The following PTPRD variants were observed in gnomAD, a reference collection of about 807,000 sequenced individuals.
PTPRD encodes the protein protein tyrosine phosphatase receptor type D.
PTPRD carries 34 observed loss-of-function variants against 214.5 expected under a neutral mutation model. That is an observed-to-expected ratio of 0.16 (90% CI 0.12 to 0.21). The LOEUF is 0.21. PTPRD is among the 10% of genes least tolerant of loss of function. The pLI, the probability that PTPRD is intolerant of heterozygous loss-of-function variation, is 1.00. For missense variants in PTPRD, 2,545 were observed against 2,398.7 expected (o/e 1.06, Z -1.27); for synonymous variants, 1,128 against 845.7 (o/e 1.33, Z -5.79).
At chr9:9,288,398 A>G (rs999612444) in intron 9 of PTPRD, among the ~76,000 whole-genome samples, 2 of 151,912 alleles carry the variant, frequency 1.3e-5, no homozygotes, top group Admixed American at 6.6e-5. Context: ...ACATTTTAAT[A>G]TAGACTTATC....
chr9:10,445,128 C>G (rs1566079036), intron 2 of PTPRD, among the ~76,000 whole-genome samples: 1 of 151,808 alleles, frequency 6.6e-6, no homozygotes, highest in Admixed American at 6.6e-5. Flanking sequence ...CAAAAAGAAA[C>G]AAAAGGAAAA....
Position 9,564,884 on chromosome 9 carries a change from GTTTTTTTTTTT to G in PTPRD, c.-237+9837_-237+9847del, listed in dbSNP as rs1191664969. 3.0e-3 allele frequency among the ~76,000 whole-genome samples: 148 copies of G among 48,860 alleles called. 1 individual carries two copies. The highest frequency in any genetic ancestry group is 4.8e-3 in the Non-Finnish European group (128 of 26,466). The allele number at this position is 48,860 out of a possible 152,430, so 32.1% of individuals were successfully genotyped here. On this transcript the variant is annotated intron_variant, in intron 8 of 45. Coordinates refer to ENST00000381196, the MANE Select transcript of PTPRD (RefSeq NM_002839.4). ...AACAAAAGAGAGACTTGAATCTTCT[GTTTTTTTTTTT>G]TTTTTTTTTTTTTTTTTTGCAGTGC...
At chr9:9,839,042 G>C (rs889311911) in intron 5 of PTPRD, among the ~76,000 whole-genome samples, 10 of 152,086 alleles carry the variant, frequency 6.6e-5, no homozygotes, top group African/African-American at 2.2e-4. Context: ...CCCATTGCTT[G>C]TTTTTGTCAG....
At chr9:8,551,074 A>G (rs1410650906) in intron 14 of PTPRD, among the ~76,000 whole-genome samples, 1 of 152,202 alleles carries the variant, frequency 6.6e-6, no homozygotes, top group Non-Finnish European at 1.5e-5. Flanking sequence ...TGATAAGACT[A>G]TCACTTGGGG....
intron 12 of PTPRD, among the ~76,000 whole-genome samples, chr9:8,723,349 C>G (rs2098522670): frequency 6.6e-6 from 1 of 152,168 alleles, no homozygotes; most frequent in South Asian, 2.1e-4. Context: ...GACCTATCCT[C>G]TCCCTTCATA....
chr9:10,118,837 A>G (rs13290926), intron 3 of PTPRD, among the ~76,000 whole-genome samples: 5,793 of 149,478 alleles, frequency 0.039, 129 homozygotes, highest in East Asian at 0.066. Flanking sequence ...TAGGACAACT[A>G]GAAAGGTAAA....
At chr9:9,587,067 A>G (rs745770832) in intron 7 of PTPRD, among the ~76,000 whole-genome samples, 1 of 151,998 alleles carries the variant, frequency 6.6e-6, no homozygotes, top group Non-Finnish European at 1.5e-5. Context: ...GTATATAGGT[A>G]ACAAAATGTG....
intron 3 of PTPRD, among the ~76,000 whole-genome samples, chr9:10,205,490 C>T (rs899179548): frequency 3.3e-5 from 5 of 151,902 alleles, no homozygotes; most frequent in African/African-American, 1.2e-4. Context: ...ACTGCAACCT[C>T]CACCTCCCAG....
chr9:9,298,512 C>T (rs1954001888), intron 9 of PTPRD, among the ~76,000 whole-genome samples: 1 of 151,642 alleles, frequency 6.6e-6, no homozygotes, highest in Non-Finnish European at 1.5e-5. Context: ...GTTAAAAGAA[C>T]ATTTAATTAT....
chr9:9,250,827 T>G (rs1336311481), intron 9 of PTPRD, among the ~76,000 whole-genome samples: 1 of 152,084 alleles, frequency 6.6e-6, no homozygotes, highest in East Asian at 1.9e-4. Context: ...CAAATTTGTT[T>G]TCCTGTGCAT....
At chr9:8,643,897 GGTGAGGTCCCACCTTCAGGCCA>G (rs2096630984) in intron 12 of PTPRD, among the ~76,000 whole-genome samples, 1 of 152,154 alleles carries the variant, frequency 6.6e-6, no homozygotes, top group Admixed American at 6.5e-5. Context: ...GGATGGATCC[GGTGAGGTCCCACCTTCAGGCCA>G]GGGAGGGCCT....
intron 12 of PTPRD, among the ~76,000 whole-genome samples, chr9:8,645,655 A>G (rs1459874310): frequency 6.6e-6 from 1 of 152,160 alleles, no homozygotes; most frequent in Non-Finnish European, 1.5e-5. Context: ...GAGAGAGAAG[A>G]AGAAAGGGAA....
At chr9:9,617,063 A>T (rs1433172045) in intron 7 of PTPRD, among the ~76,000 whole-genome samples, 1 of 152,220 alleles carries the variant, frequency 6.6e-6, no homozygotes, top group Non-Finnish European at 1.5e-5. Flanking sequence ...TCACCCTGTG[A>T]AAAGAGCCAC....
At chr9:9,284,330 C>T (rs1948698802) in intron 9 of PTPRD, among the ~76,000 whole-genome samples, 1 of 151,574 alleles carries the variant, frequency 6.6e-6, no homozygotes, top group African/African-American at 2.4e-5. Context: ...AACTTTAAAA[C>T]CTTTTGATCC....
intron 9 of PTPRD, among the ~76,000 whole-genome samples, chr9:9,275,941 C>A (rs756685633): frequency 6.6e-6 from 1 of 151,058 alleles, no homozygotes; most frequent in East Asian, 2.0e-4. Context: ...ACCAACCGTG[C>A]CTTATGCTCT....
At chr9:8,778,205 G>A (rs1239513995) in intron 11 of PTPRD, among the ~76,000 whole-genome samples, 2 of 152,250 alleles carry the variant, frequency 1.3e-5, no homozygotes, top group Admixed American at 6.5e-5. Flanking sequence ...CCACAGGCTA[G>A]ACAATTTAAA....
intron 2 of PTPRD, among the ~76,000 whole-genome samples, chr9:10,506,574 C>A (rs1302259630): frequency 6.6e-6 from 1 of 152,066 alleles, no homozygotes; most frequent in Non-Finnish European, 1.5e-5. Context: ...ACCTATATCT[C>A]ATGTACCATA....
chr9:10,022,765 A>G (rs941369996), intron 4 of PTPRD, among the ~76,000 whole-genome samples: 1 of 152,220 alleles, frequency 6.6e-6, no homozygotes, highest in African/African-American at 2.4e-5. Context: ...AAAATGCTAT[A>G]AAGGGGAGCC....
intron 2 of PTPRD, among the ~76,000 whole-genome samples, chr9:10,526,658 T>A (rs1324758020): frequency 2.6e-5 from 4 of 152,114 alleles, no homozygotes; most frequent in African/African-American, 7.2e-5. Flanking sequence ...TTTAATTTAA[T>A]TATCTTTCAA....
Sources: allele counts gnomAD v4.1 joint callset (sites outside exome capture counted in the v4.1 genomes callset), GRCh38; gene constraint gnomAD v4.1.1; transcripts MANE v1.5; gene names NCBI Gene and HGNC (gene_info 2026-07-23, HGNC 2026-07-21).